The following WWTR1 variants were observed in gnomAD, a reference collection of about 807,000 sequenced individuals.
WWTR1 encodes the protein WW domain containing transcription regulator 1, also known as WW domain-containing transcription regulator protein 1.
In WWTR1, 13 loss-of-function variants were observed where a neutral mutation model predicts 40.1. The observed-to-expected ratio is 0.32, with a 90% CI of 0.21 to 0.52. The LOEUF (loss-of-function observed/expected upper bound fraction) is 0.52. Among genes scored for constraint, WWTR1 ranks in the 20% least tolerant of loss-of-function variants. WWTR1 has a pLI of 0.97. For synonymous variants in WWTR1, 230 were observed against 210.1 expected (o/e 1.09, Z -0.82); for missense variants, 436 against 523.1 (o/e 0.83, Z 1.63).
intron 2 of WWTR1, among the ~76,000 whole-genome samples, chr3:149,607,434 C>T (rs374222208): frequency 1.3e-5 from 2 of 152,198 alleles, no homozygotes; most frequent in South Asian, 2.1e-4. Context: ...CCTGCCTCAG[C>T]CTCCTGAGTA....
intron 2 of WWTR1, among the ~76,000 whole-genome samples, chr3:149,580,715 C>T (rs1738111142): frequency 6.6e-6 from 1 of 152,230 alleles, no homozygotes; most frequent in Non-Finnish European, 1.5e-5. Flanking sequence ...CCGGTTCAGG[C>T]AATTCTCCTC....
At chr3:149,678,836 T>G (rs961430146) in intron 1 of WWTR1, among the ~76,000 whole-genome samples, 1 of 149,528 alleles carries the variant, frequency 6.7e-6, no homozygotes. Context: ...TTTTTTTTTT[T>G]TTTTTGATGG....
At chr3:149,699,056 T>G (rs1225626996) in intron 1 of WWTR1, among the ~76,000 whole-genome samples, 1 of 152,248 alleles carries the variant, frequency 6.6e-6, no homozygotes, top group Non-Finnish European at 1.5e-5. Context: ...TAGCAAGTGG[T>G]TATTCTGCAG....
chr3:149,596,442 C>G (rs964717335), intron 2 of WWTR1, among the ~76,000 whole-genome samples: 1 of 152,164 alleles, frequency 6.6e-6, no homozygotes, highest in African/African-American at 2.4e-5. Flanking sequence ...AGAAATCCCT[C>G]TGTAACCTGT....
intron 3 of WWTR1, among the ~76,000 whole-genome samples, chr3:149,546,884 A>G (rs1237931264): frequency 6.6e-6 from 1 of 152,126 alleles, no homozygotes; most frequent in Non-Finnish European, 1.5e-5. Flanking sequence ...GAGAAAGTGA[A>G]TTTTATCAAG....
chr3:149,583,082 C>A (rs1269367474), intron 2 of WWTR1, among the ~76,000 whole-genome samples: 1 of 152,180 alleles, frequency 6.6e-6, no homozygotes, highest in East Asian at 1.9e-4. Context: ...TCTCCTGCCT[C>A]AACCTCCTGA....
chr3:149,696,282 C>T (rs1475270810), intron 1 of WWTR1, among the ~76,000 whole-genome samples: 1 of 152,032 alleles, frequency 6.6e-6, no homozygotes, highest in Non-Finnish European at 1.5e-5. Flanking sequence ...AGACTGGCAA[C>T]ACCAAGCACT....
At chr3:149,628,992 G>A (rs926179552) in intron 2 of WWTR1, among the ~76,000 whole-genome samples, 3 of 151,878 alleles carry the variant, frequency 2.0e-5, no homozygotes, top group South Asian at 2.1e-4. Context: ...GGCTAGTCTC[G>A]AACTCCTGGG....
intron 2 of WWTR1, among the ~76,000 whole-genome samples, chr3:149,632,985 C>T (rs909765941): frequency 2.6e-5 from 4 of 152,266 alleles, no homozygotes; most frequent in Admixed American, 1.3e-4. Context: ...TGTTCTAAAC[C>T]TGACTGTGAT....
intron 4 of WWTR1, among the ~76,000 whole-genome samples, chr3:149,532,969 G>A (rs1278954782): frequency 1.3e-5 from 2 of 152,244 alleles, no homozygotes; most frequent in Non-Finnish European, 1.5e-5. Context: ...GGCCTCTGCC[G>A]CTGAGCATCG....
intron 1 of WWTR1, among the ~76,000 whole-genome samples, chr3:149,698,946 G>A (rs1401798743): frequency 6.6e-6 from 1 of 152,182 alleles, no homozygotes; most frequent in Non-Finnish European, 1.5e-5. Context: ...AGCCTGTGAT[G>A]GGAGGGACTT....
In WWTR1 at chr3:149,527,770, T is replaced by A; in HGVS notation, c.905+66A>T. The stretch of plus-strand genomic sequence containing the variant: ...CACCTCTTCCCAATGTAAACAAAGA[T>A]CCTATTATAGTCTAGATCACATAAT... On this transcript the variant is annotated intron_variant, in intron 5 of 6. Transcript: ENST00000360632. The A allele has an allele frequency of 3.7e-6, 6 of 1,601,354 alleles. No individual in the cohort carries two copies. The South Asian group carries it at 6.6e-5, about 18-fold the overall frequency.
chr3:149,655,109 G>C (rs1023283092), intron 2 of WWTR1, among the ~76,000 whole-genome samples: 2 of 150,550 alleles, frequency 1.3e-5, no homozygotes, highest in African/African-American at 4.9e-5. Flanking sequence ...CTGGGCGACA[G>C]AGCGAGACTC....
At chr3:149,567,225 C>T (rs1737372514) in intron 3 of WWTR1, among the ~76,000 whole-genome samples, 1 of 151,948 alleles carries the variant, frequency 6.6e-6, no homozygotes, top group African/African-American at 2.4e-5. Flanking sequence ...AAGCATGACA[C>T]TTTCTTTTGG....
At chr3:149,670,522 T>C (rs1714030394) in intron 1 of WWTR1, among the ~76,000 whole-genome samples, 1 of 151,796 alleles carries the variant, frequency 6.6e-6, no homozygotes, top group Admixed American at 6.6e-5. Context: ...CGGACCCCTG[T>C]AGTCCCAGCT....
intron 3 of WWTR1, among the ~76,000 whole-genome samples, chr3:149,543,258 T>A (rs1376643128): frequency 6.6e-6 from 1 of 152,228 alleles, no homozygotes; most frequent in Non-Finnish European, 1.5e-5. Flanking sequence ...TTTATCTGCA[T>A]TTAACAACCA....
At chr3:149,675,351 C>T (rs1714227321) in intron 1 of WWTR1, among the ~76,000 whole-genome samples, 1 of 152,204 alleles carries the variant, frequency 6.6e-6, no homozygotes, top group Admixed American at 6.5e-5. Context: ...ACAAGAGAAA[C>T]TACTGTCTGC....
chr3:149,701,444 C>T (rs186117704), intron 1 of WWTR1, among the ~76,000 whole-genome samples: 187 of 152,306 alleles, frequency 1.2e-3, no homozygotes, highest in Non-Finnish European at 2.2e-3. Flanking sequence ...CTGGGCTGGA[C>T]TTCCCATTCT....
chr3:149,521,807 A>C (rs1735056825), intron 6 of WWTR1, among the ~76,000 whole-genome samples: 1 of 152,184 alleles, frequency 6.6e-6, no homozygotes, highest in African/African-American at 2.4e-5. Flanking sequence ...TGGTGTCATT[A>C]GATCGAGCTT....
Sources: allele counts gnomAD v4.1 joint callset (sites outside exome capture counted in the v4.1 genomes callset), GRCh38; gene constraint gnomAD v4.1.1; transcripts MANE v1.5; gene names NCBI Gene and HGNC (gene_info 2026-07-23, HGNC 2026-07-21).